The following ZBTB7C variants were observed in gnomAD, a reference collection of about 807,000 sequenced individuals.
The protein encoded by ZBTB7C is zinc finger and BTB domain-containing protein 7C.
A neutral mutation model predicts 25.7 loss-of-function variants in ZBTB7C; 8 were observed. The observed-to-expected ratio is 0.31, with a 90% CI of 0.18 to 0.56. The LOEUF is 0.56. ZBTB7C is among the 20% of genes least tolerant of loss of function. The probability of loss-of-function intolerance (pLI) is 0.91; values close to 1 mark genes in which losing one functional copy is unlikely to be tolerated. For missense variants in ZBTB7C, 824 were observed against 855.2 expected (o/e 0.96, Z 0.46); for synonymous variants, 394 against 369.0 (o/e 1.07, Z -0.78).
chr18:48,133,504 A>T lies in ZBTB7C; in HGVS notation c.-17+52430T>A, dbSNP rs567096560. On this transcript the variant is annotated intron_variant, in intron 3 of 4. Transcript: ENST00000590800. Reference sequence around the variant, plus strand: ...AAGGAATTACTCATTTCACTCCATCATGATACCTCAGGGTCTATCAGTATT... The same window carrying T: ...AAGGAATTACTCATTTCACTCCATCTTGATACCTCAGGGTCTATCAGTATT... Among the ~76,000 whole-genome samples the T allele has an allele frequency of 5.3e-5, 8 of 152,338 alleles. No homozygotes were observed. The South Asian group carries it at 1.2e-3, about 24-fold the overall frequency.
At chr18:48,082,818 T>C (rs1440292966) in intron 3 of ZBTB7C, among the ~76,000 whole-genome samples, 2 of 152,168 alleles carry the variant, frequency 1.3e-5, no homozygotes, top group Admixed American at 1.3e-4. Flanking sequence ...GTTGCTTTGA[T>C]GGAGAGCCAC....
intron 3 of ZBTB7C, among the ~76,000 whole-genome samples, chr18:48,042,880 C>T (rs2036310414): frequency 6.6e-6 from 1 of 152,194 alleles, no homozygotes; most frequent in African/African-American, 2.4e-5. Flanking sequence ...AAGGCCTCTG[C>T]TCTAACAGAG....
chr18:48,278,943 G>GTTTTT (rs748213528), intron 2 of ZBTB7C, among the ~76,000 whole-genome samples: 1 of 141,230 alleles, frequency 7.1e-6, no homozygotes, highest in African/African-American at 2.6e-5. Flanking sequence ...TTGCTTTCTT[G>GTTTTT]TTTTTTTTTT....
chr18:48,059,637 C>G (rs760905479), intron 3 of ZBTB7C, among the ~76,000 whole-genome samples: 3 of 152,186 alleles, frequency 2.0e-5, no homozygotes, highest in Non-Finnish European at 4.4e-5. Context: ...ATTTATTTAC[C>G]GGCCCCACAC....
At chr18:48,329,919 G>A (rs2046306354) in intron 2 of ZBTB7C, among the ~76,000 whole-genome samples, 2 of 152,164 alleles carry the variant, frequency 1.3e-5, no homozygotes, top group South Asian at 4.1e-4. Flanking sequence ...TCCCGGGAGG[G>A]AGATTTGCTT....
At chr18:48,275,718 T>C (rs575635794) in intron 2 of ZBTB7C, among the ~76,000 whole-genome samples, 1 of 152,316 alleles carries the variant, frequency 6.6e-6, no homozygotes, top group East Asian at 1.9e-4. Context: ...TCGCATCATC[T>C]TCCAGGAAGA....
intron 1 of ZBTB7C, among the ~76,000 whole-genome samples, chr18:48,401,673 AG>A (rs2048161801): frequency 6.6e-6 from 1 of 152,088 alleles, no homozygotes; most frequent in African/African-American, 2.4e-5. Context: ...GGCCCTGAGG[AG>A]GTTACAGTTT....
rs576886120 is a variant in ZBTB7C at position 48,113,320 on chromosome 18, A to G, written c.-16-72197T>C. On this transcript the variant is annotated intron_variant, in intron 3 of 4. Transcript: ENST00000590800. ...CTTGTATGGTTATGGATGTACATGA[A>G]CAAGTGAAACTACCCCCATCACAAG... 4.6e-5 allele frequency among the ~76,000 whole-genome samples: 7 copies of G among 152,378 alleles called. 1 individual carries two copies. Among genetic ancestry groups the G allele is most frequent in the African/African-American group, 1.7e-4 (7 of 41,582 alleles).
At chr18:48,321,906 T>C (rs1206181197) in intron 2 of ZBTB7C, among the ~76,000 whole-genome samples, 1 of 152,230 alleles carries the variant, frequency 6.6e-6, no homozygotes, top group Non-Finnish European at 1.5e-5. Context: ...TGGATGCTGA[T>C]GTCTGTAAGG....
chr18:48,245,516 G>GGATGTTATAT (rs1357832137), intron 2 of ZBTB7C, among the ~76,000 whole-genome samples: 3,320 of 12,984 alleles, frequency 0.26, 79 homozygotes, highest in South Asian at 0.45. Context: ...AAGAAAAAAT[G>GGATGTTATAT]AATTTTCTAT....
intron 3 of ZBTB7C, among the ~76,000 whole-genome samples, chr18:48,047,236 G>A (rs2036510216): frequency 1.3e-5 from 2 of 152,172 alleles, no homozygotes; most frequent in South Asian, 4.1e-4. Context: ...TCCCAAAGGG[G>A]ATGTCATGCT....
intron 1 of ZBTB7C, chr18:48,375,440 C>T (rs2047496567): frequency 6.6e-6 from 1 of 152,262 alleles, no homozygotes; most frequent in African/African-American, 2.4e-5. Flanking sequence ...AAACTGGAAG[C>T]AACACTGGGA....
At chr18:48,089,061 A>T (rs1013626470) in intron 3 of ZBTB7C, among the ~76,000 whole-genome samples, 1 of 152,218 alleles carries the variant, frequency 6.6e-6, no homozygotes, top group African/African-American at 2.4e-5. Context: ...CTGATCACAC[A>T]GGAGAGAAAA....
Position 48,359,582 on chromosome 18 carries a change from C to A in ZBTB7C, c.-303-21184G>T, listed in dbSNP as rs752725. Among the ~76,000 whole-genome samples, 14 of 152,238 alleles carry A rather than the reference C, an allele frequency of 9.2e-5. No homozygotes were observed. In the South Asian group the frequency reaches 2.3e-3, roughly 25 times the overall value. The stretch of plus-strand genomic sequence containing the variant: ...TGGACCTTCCAACAGATCAAGCATA[C>A]GAAAGGAGGCCAGAGAAGGCCTGCC... On this transcript the variant is annotated intron_variant, in intron 1 of 4. Coordinates refer to ENST00000590800, the MANE Select transcript of ZBTB7C (RefSeq NM_001318841.2).
chr18:48,329,024 T>G (rs2046287630), intron 2 of ZBTB7C, among the ~76,000 whole-genome samples: 1 of 152,094 alleles, frequency 6.6e-6, no homozygotes, highest in Non-Finnish European at 1.5e-5. Context: ...CTGGTCTCAG[T>G]CCCAGTGGCC....
chr18:48,262,353 TCTTGACCA>T (rs1362730896), intron 2 of ZBTB7C, among the ~76,000 whole-genome samples: 1 of 152,094 alleles, frequency 6.6e-6, no homozygotes, highest in Non-Finnish European at 1.5e-5. Context: ...AACAGGGGTA[TCTTGACCA>T]CTTACAGAGT....
At chr18:48,155,471 G>A (rs1197216622) in intron 3 of ZBTB7C, among the ~76,000 whole-genome samples, 2 of 149,854 alleles carry the variant, frequency 1.3e-5, no homozygotes, top group African/African-American at 4.9e-5. Flanking sequence ...GGGACTACAG[G>A]TGCCCGCCAC....
chr18:48,282,747 C>T (rs2044905102), intron 2 of ZBTB7C, among the ~76,000 whole-genome samples: 1 of 152,148 alleles, frequency 6.6e-6, no homozygotes, highest in South Asian at 2.1e-4. Flanking sequence ...ATAAGGCAGA[C>T]ACTGAAGGGT....
intron 3 of ZBTB7C, among the ~76,000 whole-genome samples, chr18:48,105,916 T>C (rs1352305747): frequency 2.0e-5 from 3 of 152,202 alleles, no homozygotes; most frequent in African/African-American, 7.2e-5. Context: ...AAAGGTGCAC[T>C]GCATTAAGAA....
Sources: allele counts gnomAD v4.1 joint callset (sites outside exome capture counted in the v4.1 genomes callset), GRCh38; gene constraint gnomAD v4.1.1; transcripts MANE v1.5; gene names NCBI Gene and HGNC (gene_info 2026-07-23, HGNC 2026-07-21).